The following ANK2 variants were observed in gnomAD, a reference collection of about 807,000 sequenced individuals.
ANK2 encodes the protein ankyrin 2.
A neutral mutation model predicts 360.5 loss-of-function variants in ANK2; 83 were observed. The observed-to-expected ratio is 0.23, with a 90% CI of 0.19 to 0.28. The LOEUF (loss-of-function observed/expected upper bound fraction) is 0.28, where lower values mean the gene tolerates loss of function less well. ANK2 is among the 10% of genes least tolerant of loss of function. The pLI, the probability that ANK2 is intolerant of heterozygous loss-of-function variation, is 1.00. For synonymous variants in ANK2, 1,740 were observed against 1,759.5 expected (o/e 0.99, Z 0.28); for missense variants, 4,201 against 4,795.7 (o/e 0.88, Z 3.66).
chr4:113,231,482 T>G (rs947507824), intron 4 of ANK2, among the ~76,000 whole-genome samples: 1 of 152,218 alleles, frequency 6.6e-6, no homozygotes, highest in African/African-American at 2.4e-5. Context: ...TTAAATAGTT[T>G]ATGAATGATA....
At chr4:113,249,478 A>G (rs1240807550) in intron 9 of ANK2, among the ~76,000 whole-genome samples, 1 of 152,168 alleles carries the variant, frequency 6.6e-6, no homozygotes, top group African/African-American at 2.4e-5. Flanking sequence ...CCAGAAGCCA[A>G]TTTCATTCCA....
chr4:112,930,117 C>CT (rs1349168981), intron 2 of ANK2, among the ~76,000 whole-genome samples: 23 of 145,250 alleles, frequency 1.6e-4, no homozygotes, highest in Middle Eastern at 3.5e-3. Context: ...TGAAAGCTCC[C>CT]TTTTTTTTTT....
chr4:112,851,415 A>T (rs532042372), intron 1 of ANK2, among the ~76,000 whole-genome samples: 7 of 152,108 alleles, frequency 4.6e-5, no homozygotes, highest in Non-Finnish European at 1.0e-4. Context: ...CACATGGAGG[A>T]AACTTTGGGA....
chr4:112,970,805 G>A (rs149216861), intron 2 of ANK2, among the ~76,000 whole-genome samples: 13 of 152,202 alleles, frequency 8.5e-5, no homozygotes, highest in Admixed American at 2.0e-4. Flanking sequence ...AGCTAATAAC[G>A]ATGTATTGTA....
At chr4:112,978,187 T>C (rs1337243765) in intron 2 of ANK2, among the ~76,000 whole-genome samples, 1 of 151,696 alleles carries the variant, frequency 6.6e-6, no homozygotes. Context: ...GAGGTTGCAG[T>C]GAGTCGAGAT....
chr4:112,909,038 G>A (rs1368183680), intron 2 of ANK2, among the ~76,000 whole-genome samples: 1 of 152,172 alleles, frequency 6.6e-6, no homozygotes, highest in Non-Finnish European at 1.5e-5. Context: ...AGGCCTAGGA[G>A]GACCACTGGG....
rs780617110 is a variant in ANK2 at position 113,077,395 on chromosome 4, C to G, written c.84+27583C>G. On this transcript the variant is annotated intron_variant, in intron 1 of 45. Coordinates refer to ENST00000357077, the MANE Select transcript of ANK2 (RefSeq NM_001148.6). ...TTTTCTTTCTAACTTTCTGTATAGTCCAAAATATTTTCAATAAGTTTATGT... is the reference window on the plus strand; with the variant it reads ...TTTTCTTTCTAACTTTCTGTATAGTGCAAAATATTTTCAATAAGTTTATGT... Among the ~76,000 whole-genome samples, 39 of 151,736 alleles carry G rather than the reference C, an allele frequency of 2.6e-4. 1 individual carries two copies. The highest frequency in any genetic ancestry group is 5.3e-4 in the Admixed American group (8 of 15,236).
chr4:112,871,290 A>C (rs1430679962), intron 1 of ANK2, among the ~76,000 whole-genome samples: 1 of 151,976 alleles, frequency 6.6e-6, no homozygotes, highest in Non-Finnish European at 1.5e-5. Flanking sequence ...GGTTCAAGCA[A>C]TTCTCCTGCC....
At chr4:112,775,665 G>A in the ANK2 span, among the ~76,000 whole-genome samples, 5 of 152,140 alleles carry the variant, frequency 3.3e-5, no homozygotes, top group African/African-American at 7.2e-5. Context: ...GGTTGCTCAC[G>A]GCTTTTGTAG....
chr4:112,786,930 G>A, the ANK2 span, among the ~76,000 whole-genome samples: 1 of 151,794 alleles, frequency 6.6e-6, no homozygotes, highest in African/African-American at 2.4e-5. Context: ...TGTATATTTA[G>A]TAGAGATGGG....
chr4:113,226,978 A>G (rs77448692), intron 4 of ANK2, among the ~76,000 whole-genome samples: 311 of 152,286 alleles, frequency 2.0e-3, no homozygotes, highest in African/African-American at 7.2e-3. Context: ...TTAGAAACAC[A>G]CAGAGACATA....
chr4:113,209,107 A>G lies in ANK2; in HGVS notation c.384+9998A>G, dbSNP rs190610460. On this transcript the variant is annotated intron_variant, in intron 4 of 45. Transcript: ENST00000357077. ...ATACAAAACTATAACAACTCAAATA[A>G]ATGGCCAGATGATTGACACTTTTAT... Among the ~76,000 whole-genome samples, 17 of 152,018 alleles carry G rather than the reference A, an allele frequency of 1.1e-4. 1 individual carries two copies. Among genetic ancestry groups the G allele is most frequent in the Admixed American group, 1.1e-3 (17 of 15,298 alleles).
chr4:113,018,087 G>A (rs905238149), intron 2 of ANK2, among the ~76,000 whole-genome samples: 2 of 152,222 alleles, frequency 1.3e-5, no homozygotes, highest in African/African-American at 4.8e-5. Context: ...AAGATGAAAT[G>A]TTTAGTGCAT....
chr4:112,734,098 GGTGTGT>G, the ANK2 span, among the ~76,000 whole-genome samples: 4 of 151,812 alleles, frequency 2.6e-5, no homozygotes, highest in Non-Finnish European at 4.4e-5. Flanking sequence ...TATATGATGT[GGTGTGT>G]GTGTGTGTAA....
At position 113,255,738 on chromosome 4, in the gene ANK2, G is replaced by C; in HGVS notation, c.994G>C (p.Gly332Arg). 6.2e-7 allele frequency: 1 copy of C among 1,613,872 alleles called. No homozygotes were observed. Among genetic ancestry groups the C allele is most frequent in the Middle Eastern group, 1.7e-4 (1 of 6,060 alleles). The stretch of plus-strand genomic sequence containing the variant: ...TTTGTTTTCTTTTAATGTGCAGAAT[G>C]GGCTGTCTCCACTACACATGGCTGC... Reference protein sequence around the residue: ...GAPLLARTKNGLSPLHMAAQG... With the variant: ...GAPLLARTKNRLSPLHMAAQG... Residue 332 changes from glycine to arginine, a missense_variant, in exon 11 of 46, where the codon GGG (glycine) becomes CGG (arginine). By Grantham distance (125) the Gly-to-Arg change is moderately radical (BLOSUM62 -2). Transcript: ENST00000357077.
Position 112,963,459 on chromosome 4 carries a change from G to A in ANK2, c.21+58945G>A, listed in dbSNP as rs144351234. On this transcript the variant is annotated intron_variant, in intron 2 of 30. Transcript: ENST00000503271. ...TGGGTTTGGTAAGATTACTTAGATT[G>A]TAGTCATTCTTGAAATTACAGAAAT... Among the ~76,000 whole-genome samples the A allele has an allele frequency of 1.9e-3, 285 of 152,238 alleles. 2 individuals are homozygous for A. Among genetic ancestry groups the A allele is most frequent in the African/African-American group, 6.6e-3 (273 of 41,554 alleles).
chr4:113,308,622 AAAG>A (rs1268799975), intron 23 of ANK2, among the ~76,000 whole-genome samples: 1 of 152,264 alleles, frequency 6.6e-6, no homozygotes, highest in Non-Finnish European at 1.5e-5. Context: ...ATAGTTTTAC[AAAG>A]AAGAAATCAC....
intron 2 of ANK2, among the ~76,000 whole-genome samples, chr4:112,937,494 A>C (rs959747637): frequency 1.3e-5 from 2 of 151,852 alleles, no homozygotes; most frequent in African/African-American, 4.8e-5. Flanking sequence ...CCTCCAGATA[A>C]TTTTTGTGTT....
intron 43 of ANK2, among the ~76,000 whole-genome samples, chr4:113,370,701 A>G (rs141512170): frequency 2.6e-5 from 4 of 152,248 alleles, no homozygotes; most frequent in Admixed American, 1.3e-4. Flanking sequence ...CGGAGCTTGC[A>G]GTGAGCCAAG....
Sources: allele counts gnomAD v4.1 joint callset (sites outside exome capture counted in the v4.1 genomes callset), GRCh38; gene constraint gnomAD v4.1.1; transcripts MANE v1.5; gene names NCBI Gene and HGNC (gene_info 2026-07-23, HGNC 2026-07-21).